PLGRKT: variants seen among roughly 807,000 people sequenced by gnomAD.
The protein encoded by PLGRKT is plasminogen receptor with a C-terminal lysine, also known as plasminogen receptor (KT).
A neutral mutation model predicts 18.5 loss-of-function variants in PLGRKT; 22 were observed. That is an observed-to-expected ratio of 1.19 (90% CI 0.85 to 1.70). The LOEUF is 1.70. Among genes scored for constraint, PLGRKT ranks in the 40% most tolerant of loss-of-function variants. PLGRKT has a pLI of 0.00. For missense variants in PLGRKT, 235 were observed against 174.4 expected, an observed-to-expected ratio of 1.35 and a Z score of -1.96; for synonymous variants, 72 against 52.8, an observed-to-expected ratio of 1.36 and a Z score of -1.58.
At chr9:5,386,308 C>A (rs1479010416) in intron 3 of PLGRKT, among the ~76,000 whole-genome samples, 1 of 151,832 alleles carries the variant, frequency 6.6e-6, no homozygotes, top group Non-Finnish European at 1.5e-5. Context: ...ACAGGTAATT[C>A]CCTGATACCT....
At chr9:5,378,915 C>G (rs931744270) in intron 3 of PLGRKT, among the ~76,000 whole-genome samples, 1 of 151,954 alleles carries the variant, frequency 6.6e-6, no homozygotes, top group Admixed American at 6.6e-5. Flanking sequence ...TTTTTAAATT[C>G]TTTATAAATA....
intron 3 of PLGRKT, among the ~76,000 whole-genome samples, chr9:5,399,328 T>C (rs1486659660): frequency 6.6e-6 from 1 of 151,920 alleles, no homozygotes; most frequent in Non-Finnish European, 1.5e-5. Context: ...CCTACAGTAG[T>C]TTCCCCCCTG....
intron 3 of PLGRKT, among the ~76,000 whole-genome samples, chr9:5,411,553 G>A (rs7850728): frequency 0.048 from 7,321 of 152,200 alleles, 573 homozygotes; most frequent in African/African-American, 0.16. Context: ...AAGTGATAGA[G>A]TCAGGTTCGG....
Position 5,431,955 on chromosome 9 carries a change from G to T in PLGRKT, c.23C>A (p.Ser8Tyr). Residue 8 changes from serine to tyrosine, a missense_variant, in exon 3 of 6, where the codon TCT becomes TAT. Physicochemically the swap from Ser to Tyr is moderately radical, Grantham distance 144 (BLOSUM62 -2). Coordinates refer to ENST00000223864, the MANE Select transcript of PLGRKT (RefSeq NM_018465.4). ...TTGATTTTTCATGCTTTCATTCATAGATTTTGAAAATATAAACCCCATTTT... is the reference window on the plus strand; with the variant it reads ...TTGATTTTTCATGCTTTCATTCATATATTTTGAAAATATAAACCCCATTTT... MGFIFSK[S>Y]MNESMKNQKE... 6.5e-7 allele frequency: 1 copy of T among 1,538,210 alleles called. No homozygotes were observed. The highest frequency in any genetic ancestry group is 1.1e-5 in the South Asian group (1 of 89,104).
At chr9:5,384,453 G>C (rs188342935) in intron 3 of PLGRKT, among the ~76,000 whole-genome samples, 67 of 152,204 alleles carry the variant, frequency 4.4e-4, no homozygotes, top group African/African-American at 1.6e-3. Context: ...CATAGTTCAT[G>C]CTAGACATGG....
At chr9:5,392,123 C>T (rs1290135187) in intron 3 of PLGRKT, among the ~76,000 whole-genome samples, 3 of 151,864 alleles carry the variant, frequency 2.0e-5, no homozygotes, top group South Asian at 2.1e-4. Flanking sequence ...GTTTTCTGTG[C>T]CTTTGGGTTT....
intron 3 of PLGRKT, among the ~76,000 whole-genome samples, chr9:5,408,159 C>T (rs1026629619): frequency 2.0e-5 from 3 of 152,264 alleles, no homozygotes; most frequent in East Asian, 3.9e-4. Context: ...AAGTGGCTTT[C>T]GAACTGTGAA....
At position 5,418,642 on chromosome 9, in the gene PLGRKT, A is replaced by G; in HGVS notation, c.81+13255T>C. 1 of 695,652 alleles carries G rather than the reference A, an allele frequency of 1.4e-6. No homozygotes were observed. Among genetic ancestry groups the G allele is most frequent in the Non-Finnish European group, 2.7e-6 (1 of 372,092 alleles). 43.1% of individuals were successfully genotyped at this position (695,652 alleles called of 1,614,324 possible). A position where few individuals can be genotyped will look rare whatever the true frequency, so the allele number is the denominator to read the frequency against. On this transcript the variant is annotated intron_variant, in intron 3 of 5. Coordinates refer to ENST00000223864, the MANE Select transcript of PLGRKT (RefSeq NM_018465.4). This position sits in a 1 kb window ranked among gnomAD's most constrained non-coding sequence, Gnocchi z 4.2. ...CAGGTGGCGGCTCATATCTCCGGGC[A>G]GCAGCGCGTGCTCCTTGGAGATGGG... is the stretch of plus-strand genomic sequence containing the variant.
intron 3 of PLGRKT, among the ~76,000 whole-genome samples, chr9:5,413,106 G>A (rs1020621036): frequency 4.6e-5 from 7 of 152,236 alleles, no homozygotes; most frequent in African/African-American, 1.7e-4. Context: ...GTGAGACTTT[G>A]GGAAAATAGC....
chr9:5,363,742 C>A (rs1219405220), intron 3 of PLGRKT, among the ~76,000 whole-genome samples: 1 of 152,040 alleles, frequency 6.6e-6, no homozygotes, highest in Non-Finnish European at 1.5e-5. Context: ...TAGGTCATAC[C>A]AGGGAAAAGA....
chr9:5,358,884 A>C lies in PLGRKT; in HGVS notation c.323-524T>G, dbSNP rs138851497. Among the ~76,000 whole-genome samples the C allele has an allele frequency of 2.0e-3, 311 of 152,286 alleles. 2 individuals are homozygous for C. The highest frequency in any genetic ancestry group is 3.4e-3 in the Non-Finnish European group (232 of 68,022). On this transcript the variant is annotated intron_variant, in intron 5 of 5. Coordinates refer to ENST00000223864, the MANE Select transcript of PLGRKT (RefSeq NM_018465.4). ...CATCTTTATAAACAATTCCTCTTTC[A>C]AAGAGCTACACAACGCAGTAATTTC...
intron 3 of PLGRKT, among the ~76,000 whole-genome samples, chr9:5,389,587 A>G (rs565755371): frequency 6.6e-6 from 1 of 152,014 alleles, no homozygotes; most frequent in Non-Finnish European, 1.5e-5. Flanking sequence ...AGGTGGGCAG[A>G]GAGGAGTAAC....
chr9:5,394,180 G>C (rs1308527521), intron 3 of PLGRKT, among the ~76,000 whole-genome samples: 2 of 151,810 alleles, frequency 1.3e-5, no homozygotes, highest in Non-Finnish European at 2.9e-5. Context: ...TTTTGATGTT[G>C]TGACTAAGAT....
At chr9:5,430,892 A>C (rs1818809185) in intron 3 of PLGRKT, among the ~76,000 whole-genome samples, 1 of 152,242 alleles carries the variant, frequency 6.6e-6, no homozygotes, top group Non-Finnish European at 1.5e-5. Context: ...AGGCAATTAG[A>C]TAATCTTCTG....
intron 3 of PLGRKT, among the ~76,000 whole-genome samples, chr9:5,375,002 C>T (rs748446859): frequency 6.6e-6 from 1 of 151,980 alleles, no homozygotes; most frequent in East Asian, 1.9e-4. Context: ...CTATTTAATC[C>T]CTGTAGACAC....
intron 2 of PLGRKT, among the ~76,000 whole-genome samples, chr9:5,433,394 ATGTGAGG>A (rs1818875364): frequency 7.2e-6 from 1 of 139,250 alleles, no homozygotes; most frequent in Non-Finnish European, 1.5e-5. Flanking sequence ...ACCGTCTGGG[ATGTGAGG>A]AGCGCCTCTG....
At chr9:5,364,763 C>T (rs1817345976) in intron 3 of PLGRKT, among the ~76,000 whole-genome samples, 1 of 152,184 alleles carries the variant, frequency 6.6e-6, no homozygotes, top group African/African-American at 2.4e-5. Context: ...TACATGTCTA[C>T]TGGAGATGAG....
chr9:5,427,770 G>A (rs1160872516), intron 3 of PLGRKT, among the ~76,000 whole-genome samples: 1 of 152,162 alleles, frequency 6.6e-6, no homozygotes, highest in South Asian at 2.1e-4. Flanking sequence ...AATGTGAGAT[G>A]CTCATAGAAA....
intron 3 of PLGRKT, among the ~76,000 whole-genome samples, chr9:5,431,696 T>G (rs1818828552): frequency 6.6e-6 from 1 of 152,168 alleles, no homozygotes; most frequent in South Asian, 2.1e-4. Flanking sequence ...GAATGGAAAT[T>G]TTTACACAAA....
Sources: allele counts gnomAD v4.1 joint callset (sites outside exome capture counted in the v4.1 genomes callset), GRCh38; gene constraint gnomAD v4.1.1; non-coding constraint Gnocchi (gnomAD v3.1); transcripts MANE v1.5; gene names NCBI Gene and HGNC (gene_info 2026-07-23, HGNC 2026-07-21).